The following COL23A1 variants were observed in gnomAD, a reference collection of about 807,000 sequenced individuals.
The protein encoded by COL23A1 is collagen alpha-1(XXIII) chain.
A neutral mutation model predicts 99.3 loss-of-function variants in COL23A1; 97 were observed. The observed-to-expected ratio is 0.98, with a 90% confidence interval of 0.83 to 1.16. The LOEUF (loss-of-function observed/expected upper bound fraction) is 1.16. COL23A1 is among the 50% of genes most tolerant of loss of function. The pLI is 0.00. For synonymous variants in COL23A1, 320 were observed against 308.2 expected (o/e 1.04, Z -0.40); for missense variants, 762 against 757.4 (o/e 1.01, Z -0.07).
intron 1 of COL23A1, among the ~76,000 whole-genome samples, chr5:178,588,601 C>T (rs1458220169): frequency 6.6e-6 from 1 of 152,192 alleles, no homozygotes; most frequent in African/African-American, 2.4e-5. Context: ...TCTGCAGGCC[C>T]TTTCAAGGGT....
Position 178,340,115 on chromosome 5 carries a change from T to C in COL23A1, c.362-33196A>G, listed in dbSNP as rs1309588974. On this transcript the variant is annotated intron_variant, in intron 2 of 28. Transcript: ENST00000390654. This position sits in a 1 kb window ranked among gnomAD's most constrained non-coding sequence, Gnocchi z 4.7. Reference sequence around the variant, plus strand: ...GTTGCCTGTCTCTAGCTGTTTGACCTTGGGCATCTCACATGTTTAGCCATG... The same window carrying C: ...GTTGCCTGTCTCTAGCTGTTTGACCCTGGGCATCTCACATGTTTAGCCATG... Among the ~76,000 whole-genome samples the C allele has an allele frequency of 6.6e-6, 1 of 152,116 alleles. No individual in the cohort carries two copies. Among genetic ancestry groups the C allele is most frequent in the African/African-American group, 2.4e-5 (1 of 41,416 alleles).
At chr5:178,286,820 G>A (rs950922154) in intron 5 of COL23A1, among the ~76,000 whole-genome samples, 6 of 152,188 alleles carry the variant, frequency 3.9e-5, no homozygotes, top group Non-Finnish European at 8.8e-5. Flanking sequence ...TCCGATGCTC[G>A]AGGCTGGTGG....
chr5:178,251,904 C>CTTTCCTTTTT (rs1765049397), intron 17 of COL23A1, among the ~76,000 whole-genome samples: 1 of 111,132 alleles, frequency 9.0e-6, no homozygotes, highest in African/African-American at 3.2e-5. Context: ...CTTTCATTTT[C>CTTTCCTTTTT]TTTTCTTTTT....
chr5:178,464,622 T>G (rs1181776602), intron 2 of COL23A1, among the ~76,000 whole-genome samples: 2 of 152,192 alleles, frequency 1.3e-5, no homozygotes, highest in African/African-American at 4.8e-5. Flanking sequence ...GACGTGGAAG[T>G]GCAGGAAAGC....
Position 178,247,787 on chromosome 5 carries a change from G to A in COL23A1, c.1257C>T (p.Pro419=), listed in dbSNP as rs757257684. 5 of 1,611,408 alleles carry A rather than the reference G, an allele frequency of 3.1e-6. No individual in the cohort carries two copies. The highest frequency in any genetic ancestry group is 1.6e-4 in the Middle Eastern group (1 of 6,066). The stretch of plus-strand genomic sequence containing the variant: ...AAACCGTCCTTACCATCGGGCCTGG[G>A]GGGCCAGGGGGGCCAGGGGGCCCTG... The part of the protein sequence containing the change: ...VEPGPPGPPG[P]PGPMGLQGIQ... Residue 419 remains proline (P), a synonymous_variant, in exon 21 of 29, where the codon CCC becomes CCT. Coordinates refer to ENST00000390654, the MANE Select transcript of COL23A1 (RefSeq NM_173465.4).
At chr5:178,557,315 C>A (rs1045783561) in intron 2 of COL23A1, among the ~76,000 whole-genome samples, 7 of 152,188 alleles carry the variant, frequency 4.6e-5, no homozygotes, top group African/African-American at 1.4e-4. Flanking sequence ...TAATTACACC[C>A]GCAAAGACCC....
At chr5:178,364,124 A>G (rs1350595754) in intron 2 of COL23A1, among the ~76,000 whole-genome samples, 1 of 152,200 alleles carries the variant, frequency 6.6e-6, no homozygotes, top group Non-Finnish European at 1.5e-5. Flanking sequence ...ATCTTGTGCC[A>G]CATGGACATT....
At chr5:178,393,683 T>C (rs4364401) in intron 2 of COL23A1, among the ~76,000 whole-genome samples, 99,962 of 149,354 alleles carry the variant, frequency 0.67, 34,379 homozygotes, top group East Asian at 0.86. Context: ...AGGGTCTTGC[T>C]GTGTCACCCA....
intron 17 of COL23A1, among the ~76,000 whole-genome samples, chr5:178,251,731 T>TA (rs1765039715): frequency 6.6e-6 from 1 of 152,164 alleles, no homozygotes; most frequent in African/African-American, 2.4e-5. Context: ...CTCATGCAGC[T>TA]ATAAGACAAA....
At chr5:178,512,713 A>C (rs1458576785) in intron 2 of COL23A1, among the ~76,000 whole-genome samples, 1 of 152,198 alleles carries the variant, frequency 6.6e-6, no homozygotes, top group Non-Finnish European at 1.5e-5. Context: ...ATTCTGCCGT[A>C]ATCTGCAACT....
In COL23A1 at chr5:178,410,818, A is replaced by G. The variant is rs538418530; in HGVS notation, c.362-103899T>C. ...TTTTGTGTGTTAAAGGACATTATCAAAAAAGTAATACTACACCATACAGAA... is the reference window on the plus strand; with the variant it reads ...TTTTGTGTGTTAAAGGACATTATCAGAAAAGTAATACTACACCATACAGAA... On this transcript the variant is annotated intron_variant, in intron 2 of 28. Transcript: ENST00000390654. 7.9e-5 allele frequency among the ~76,000 whole-genome samples: 12 copies of G among 152,364 alleles called. No individual in the cohort carries two copies. The South Asian group carries it at 2.5e-3, about 32-fold the overall frequency.
intron 2 of COL23A1, among the ~76,000 whole-genome samples, chr5:178,325,383 T>G (rs761016939): frequency 1.3e-5 from 2 of 152,114 alleles, no homozygotes; most frequent in African/African-American, 2.4e-5. Flanking sequence ...CAGCTCCACT[T>G]GCCCTCCATG....
intron 2 of COL23A1, among the ~76,000 whole-genome samples, chr5:178,323,239 G>C (rs748174904): frequency 6.6e-6 from 1 of 152,062 alleles, no homozygotes; most frequent in African/African-American, 2.4e-5. Flanking sequence ...CCTGTCTCTG[G>C]GGCTTGGCAA....
At chr5:178,416,389 G>A (rs1765312053) in intron 2 of COL23A1, among the ~76,000 whole-genome samples, 1 of 152,190 alleles carries the variant, frequency 6.6e-6, no homozygotes, top group African/African-American at 2.4e-5. Context: ...CTCGGCACCT[G>A]TCTTCTCCTT....
At chr5:178,358,727 G>C (rs1012315555) in intron 2 of COL23A1, among the ~76,000 whole-genome samples, 2 of 112,314 alleles carry the variant, frequency 1.8e-5, no homozygotes, top group Non-Finnish European at 2.0e-5. Context: ...GTATGTGTAT[G>C]TGTGTATGTG....
chr5:178,323,339 A>T (rs1440344823), intron 2 of COL23A1, among the ~76,000 whole-genome samples: 2 of 151,956 alleles, frequency 1.3e-5, no homozygotes, highest in Non-Finnish European at 2.9e-5. Context: ...GTGGTAACTG[A>T]TCTCCCTGCT....
At chr5:178,341,807 C>A (rs144410731) in intron 2 of COL23A1, among the ~76,000 whole-genome samples, 78 of 152,330 alleles carry the variant, frequency 5.1e-4, no homozygotes, top group African/African-American at 1.8e-3. Context: ...CCGCCCGCCT[C>A]AGGACCTGAC....
intron 2 of COL23A1, among the ~76,000 whole-genome samples, chr5:178,332,754 G>A (rs1420349005): frequency 6.6e-6 from 1 of 151,792 alleles, no homozygotes; most frequent in Non-Finnish European, 1.5e-5. Flanking sequence ...AATGGTGATC[G>A]ACGCTCGACT....
At chr5:178,433,245 G>A (rs925098661) in intron 2 of COL23A1, among the ~76,000 whole-genome samples, 5 of 151,760 alleles carry the variant, frequency 3.3e-5, no homozygotes, top group African/African-American at 7.3e-5. Flanking sequence ...TCCCACGACC[G>A]CCTCCTCAGG....
Sources: gnomAD v4.1 joint callset for allele counts (sites outside exome capture counted in the v4.1 genomes callset) on GRCh38, gnomAD v4.1.1 for gene constraint, Gnocchi (gnomAD v3.1) non-coding constraint, MANE v1.5 for transcripts, NCBI Gene and HGNC (gene_info 2026-07-23, HGNC 2026-07-21) for gene names.